Variants in RPL27A observed in about 807,000 individuals in gnomAD.
RPL27A encodes ribosomal protein L27a.
For synonymous variants in RPL27A, 69 were observed against 68.3 expected, an observed-to-expected ratio of 1.01 and a Z score of -0.05; for missense variants, 118 against 189.4, an observed-to-expected ratio of 0.62 and a Z score of 2.21.
intron 2 of RPL27A, 25 bp from the exon 3 acceptor site, chr11:8,683,981 C>G (rs61875926): frequency 0.089 from 142,415 of 1,601,230 alleles, 6,974 homozygotes; most frequent in Non-Finnish European, 0.099. Flanking sequence ...TCACACCGGC[C>G]CCACGTAGCT....
rs2039601283 is a variant in RPL27A, at chr11:8,687,787, C to T, written c.*1981C>T. ...GGGACTACAGGCGCCCGCCACTGCG[C>T]CCGGCTAATTTTTTGCATTTTTAGT... is the stretch of plus-strand genomic sequence containing the variant. On this transcript the variant is annotated 3_prime_UTR_variant, in exon 5 of 5. Transcript: ENST00000314138. The T allele has an allele frequency of 6.6e-6, 1 of 152,306 alleles. No homozygotes were observed. The highest frequency in any genetic ancestry group is 2.4e-5 in the African/African-American group (1 of 41,450). The allele number at this position is 152,306 out of a possible 1,614,324, so 9.4% of individuals were successfully genotyped here.
chr11:8,685,509 G>A, intron 4 of RPL27A, 169 bp from the exon 5 acceptor site: 1 of 769,012 alleles, frequency 1.3e-6, no homozygotes, highest in Non-Finnish European at 2.4e-6. Flanking sequence ...AGAATCTACT[G>A]GTCTTGATTC....
rs1344003914 is a variant in RPL27A, at chr11:8,683,999, C to G, written c.68-7C>G. On this transcript the variant is annotated splice_region_variant and splice_polypyrimidine_tract_variant and intron_variant, in intron 2 of 4. Coordinates refer to ENST00000314138, the MANE Select transcript of RPL27A (RefSeq NM_000990.5). ...CACCGGCCCCACGTAGCTTTGTATT[C>G]CTGCAGGCAAGCACCGGAAGCACCC... 6.2e-7 allele frequency: 1 copy of G among 1,610,344 alleles called. No homozygotes were observed. Among genetic ancestry groups the G allele is most frequent in the Non-Finnish European group, 8.5e-7 (1 of 1,179,626 alleles).
At chr11:8,683,306 T>C in intron 2 of RPL27A, 41 bp downstream of exon 2, 1 of 1,569,708 alleles carries the variant, frequency 6.4e-7, no homozygotes, top group East Asian at 2.2e-5. Context: ...TTGGGCTCTC[T>C]TCGGGTGCTT....
rs1285133840 is a variant in RPL27A at position 8,684,088 on chromosome 11, G to T, written c.143+7G>T. On this transcript the variant is annotated splice_region_variant and intron_variant, in intron 3 of 4. Coordinates refer to ENST00000314138, the MANE Select transcript of RPL27A (RefSeq NM_000990.5). ...GGATCAACTTCGACAAATAGTAAGT[G>T]TCCTTGGACTGCTTTTATTGACACA... 1 of 1,610,980 alleles carries T rather than the reference G, an allele frequency of 6.2e-7. No individual in the cohort carries two copies. Among genetic ancestry groups the T allele is most frequent in the Non-Finnish European group, 8.5e-7 (1 of 1,177,622 alleles).
rs918173514 is a variant in RPL27A at position 8,684,046 on chromosome 11, T to C, written c.108T>C (p.Gly36=). ...RKHPGGRGNA[G]GLHHHRINFD... ...ACCCCGGCGGCCGCGGTAATGCTGG[T>C]GGTCTGCATCACCACCGGATCAACT... is the stretch of plus-strand genomic sequence containing the variant. The change falls in exon 3 of 5, where the codon GGT becomes GGC. Residue 36 remains glycine (G), a synonymous_variant. Coordinates refer to ENST00000314138, the MANE Select transcript of RPL27A (RefSeq NM_000990.5). 2 of 1,613,442 alleles carry C rather than the reference T, an allele frequency of 1.2e-6. No individual in the cohort carries two copies. Among genetic ancestry groups the C allele is most frequent in the Non-Finnish European group, 1.7e-6 (2 of 1,179,988 alleles).
rs1178475224 is a variant in RPL27A, at chr11:8,685,720, C to G, written c.361C>G (p.Pro121Ala). 4.3e-6 allele frequency: 7 copies of G among 1,614,110 alleles called. No homozygotes were observed. Among genetic ancestry groups the G allele is most frequent in the Non-Finnish European group, 5.9e-6 (7 of 1,179,954 alleles). Residue 121 changes from proline (P) to alanine (A), a missense_variant, in exon 5 of 5, where the codon CCT (proline) becomes GCT (alanine). Pro to Ala is a conservative substitution (Grantham distance 27). Transcript: ENST00000314138. ...VLGKGKLPKQPVIVKAKFFSR... is the reference protein window; with the variant it reads ...VLGKGKLPKQAVIVKAKFFSR... ...GGGAAAGGGAAAGCTCCCAAAGCAG[C>G]CTGTCATCGTGAAGGCCAAATTCTT...
At chr11:8,683,625 A>C (rs2039537814) in intron 2 of RPL27A, 1 of 482,764 alleles carries the variant, frequency 2.1e-6, no homozygotes, top group Non-Finnish European at 3.8e-6. Context: ...TCTGGGAAAC[A>C]CTCTGCTTTT....
Position 8,685,904 on chromosome 11 carries a change from G to T in RPL27A, c.*98G>T. On this transcript the variant is annotated 3_prime_UTR_variant, in exon 5 of 5. Transcript: ENST00000314138. Reference sequence around the variant, plus strand: ...CACCTCTACATCCTGTGTGCATTGGGAGCCCAGGTTCTAGTACTTAGGGTA... The same window carrying T: ...CACCTCTACATCCTGTGTGCATTGGTAGCCCAGGTTCTAGTACTTAGGGTA... 1 of 1,225,906 alleles carries T rather than the reference G, an allele frequency of 8.2e-7. No homozygotes were observed. Among genetic ancestry groups the T allele is most frequent in the South Asian group, 1.3e-5 (1 of 74,704 alleles). 75.9% of individuals were successfully genotyped at this position (1,225,906 alleles called of 1,614,324 possible).
At chr11:8,685,128 C>T in intron 4 of RPL27A, 2 of 569,308 alleles carry the variant, frequency 3.5e-6, no homozygotes, top group South Asian at 4.0e-5. Flanking sequence ...CTGAGCACAG[C>T]TCTTGGCCCT....
Position 8,688,140 on chromosome 11 carries a change from G to C in RPL27A, c.*2334G>C, listed in dbSNP as rs184238362. 1 of 152,288 alleles carries C rather than the reference G, an allele frequency of 6.6e-6. No homozygotes were observed. Among genetic ancestry groups the C allele is most frequent in the African/African-American group, 2.4e-5 (1 of 41,436 alleles). 9.4% of individuals were successfully genotyped at this position (152,288 alleles called of 1,614,324 possible). A position where few individuals can be genotyped will look rare whatever the true frequency, so the allele number is the denominator to read the frequency against. On this transcript the variant is annotated 3_prime_UTR_variant, in exon 5 of 5. Coordinates refer to ENST00000314138, the MANE Select transcript of RPL27A (RefSeq NM_000990.5). ...GCTGTAAAGGACGGCTACAATGGGA[G>C]GCTGAAGGCAGAACCAAGAAAATGG...
intron 4 of RPL27A, 150 bp from the exon 5 acceptor site, chr11:8,685,528 G>C (rs1419987397): frequency 1.2e-6 from 1 of 819,360 alleles, no homozygotes; most frequent in South Asian, 1.3e-5. Flanking sequence ...TCACTGGTGG[G>C]GGCAGTCGGT....
At chr11:8,683,155 C>T (rs770360307) in intron 1 of RPL27A, 47 bp from the exon 2 acceptor site, 1 of 1,573,818 alleles carries the variant, frequency 6.4e-7, no homozygotes, top group Non-Finnish European at 8.7e-7. Flanking sequence ...GGCATCGCCC[C>T]CTGCCCCTAA....
chr11:8,688,936 A>C lies in RPL27A; in HGVS notation c.*3130A>C, dbSNP rs2039611595. 6.6e-6 allele frequency: 1 copy of C among 152,288 alleles called. No individual in the cohort carries two copies. The highest frequency in any genetic ancestry group is 6.5e-5 in the Admixed American group (1 of 15,284). 9.4% of individuals were successfully genotyped at this position (152,288 alleles called of 1,614,324 possible). ...GACCTCAGTGGCGTCCTCACAACAC[A>C]GACCGGACCTTGGGTCTTACCCCGG... On this transcript the variant is annotated 3_prime_UTR_variant, in exon 5 of 5. Transcript: ENST00000314138.
At position 8,686,465 on chromosome 11, in the gene RPL27A, A is replaced by G. The variant is rs995078093; in HGVS notation, c.*659A>G. 6.6e-6 allele frequency: 1 copy of G among 152,200 alleles called. No individual in the cohort carries two copies. The highest frequency in any genetic ancestry group is 2.4e-5 in the African/African-American group (1 of 41,406). 9.4% of individuals were successfully genotyped at this position (152,200 alleles called of 1,614,324 possible). A position where few individuals can be genotyped will look rare whatever the true frequency, so the allele number is the denominator to read the frequency against. The stretch of plus-strand genomic sequence containing the variant: ...ATGCTGGTCTCTAACTCCTAACCTC[A>G]AGTGATCTGCCCACATCGGCCTCCA... On this transcript the variant is annotated 3_prime_UTR_variant, in exon 5 of 5. Transcript: ENST00000314138.
chr11:8,685,532 A>T (rs2039578751), intron 4 of RPL27A, 146 bp from the exon 5 acceptor site: 1 of 841,466 alleles, frequency 1.2e-6, no homozygotes, highest in African/African-American at 1.7e-5. Context: ...TGGTGGGGGC[A>T]GTCGGTGCCC....
intron 2 of RPL27A, 188 bp from the exon 3 acceptor site, chr11:8,683,818 C>A (rs2039542557): frequency 1.6e-6 from 1 of 607,868 alleles, no homozygotes; most frequent in Non-Finnish European, 3.0e-6. Flanking sequence ...GCTGATATTA[C>A]AGGTGTGCGC....
Position 8,685,820 on chromosome 11 carries a change from G to A in RPL27A, c.*14G>A, listed in dbSNP as rs765430486. The A allele has an allele frequency of 3.7e-6, 6 of 1,612,908 alleles. No individual in the cohort carries two copies. The highest frequency in any genetic ancestry group is 3.3e-5 in the Admixed American group (2 of 59,954). ...CTGGTGGCTTGAAGCCACATGGAGG[G>A]AGTTTCATTAAATGCTAACTACTTT... On this transcript the variant is annotated 3_prime_UTR_variant, in exon 5 of 5. Transcript: ENST00000314138.
rs1266115163 is a variant in RPL27A at position 8,688,967 on chromosome 11, G to A, written c.*3161G>A. ...GACCTTGGGTCTTACCCCGGCACCT[G>A]AGAACCACTTCCGGTGAGTAGCTTC... On this transcript the variant is annotated 3_prime_UTR_variant, in exon 5 of 5. Coordinates refer to ENST00000314138, the MANE Select transcript of RPL27A (RefSeq NM_000990.5). 6.6e-6 allele frequency: 1 copy of A among 152,270 alleles called. No individual in the cohort carries two copies. The allele number at this position is 152,270 out of a possible 1,614,324, so 9.4% of individuals were successfully genotyped here.
Sources: gnomAD v4.1 joint callset for allele counts on GRCh38, gnomAD v4.1.1 for gene constraint, MANE v1.5 for transcripts, NCBI Gene and HGNC (gene_info 2026-07-23, HGNC 2026-07-21) for gene names.